The following CTIF variants were observed in gnomAD, a reference collection of about 807,000 sequenced individuals.
CTIF encodes cap binding complex dependent translation initiation factor, also known as CBP80/20-dependent translation initiation factor.
CTIF carries 21 observed loss-of-function variants against 66.0 expected under a neutral mutation model. The ratio of observed to expected loss-of-function variants is 0.32; its 90% CI spans 0.23 to 0.46. CTIF has a LOEUF of 0.46. Ranked by LOEUF, CTIF falls within the 20% of genes least tolerant of loss-of-function variation. The probability of loss-of-function intolerance (pLI) is 1.00; values close to 1 mark genes in which losing one functional copy is unlikely to be tolerated. For missense variants in CTIF, 739 were observed against 812.7 expected, an observed-to-expected ratio of 0.91 and a Z score of 1.10; for synonymous variants, 345 against 326.4, an observed-to-expected ratio of 1.06 and a Z score of -0.62.
intron 9 of CTIF, among the ~76,000 whole-genome samples, chr18:48,814,070 TTTAG>T (rs1158567251): frequency 6.6e-6 from 1 of 152,232 alleles, no homozygotes; most frequent in African/African-American, 2.4e-5. Flanking sequence ...GTGACAGCAC[TTTAG>T]TTAATGATGT....
intron 9 of CTIF, among the ~76,000 whole-genome samples, chr18:48,781,408 C>T (rs2146054747): frequency 6.6e-6 from 1 of 152,298 alleles, no homozygotes; most frequent in African/African-American, 2.4e-5. Context: ...GCCCCAGGGG[C>T]CAGTGGCTGT....
At chr18:48,757,450 A>G (rs1908495721) in intron 7 of CTIF, among the ~76,000 whole-genome samples, 1 of 152,150 alleles carries the variant, frequency 6.6e-6, no homozygotes. Flanking sequence ...TATGGTGAAC[A>G]GTCATTCATA....
At chr18:48,671,293 G>C (rs1182073840) in intron 6 of CTIF, among the ~76,000 whole-genome samples, 1 of 152,076 alleles carries the variant, frequency 6.6e-6, no homozygotes. Flanking sequence ...GATACTTATA[G>C]TGCTGGACTT....
At chr18:48,743,295 G>A (rs1169617855) in intron 7 of CTIF, among the ~76,000 whole-genome samples, 1 of 152,164 alleles carries the variant, frequency 6.6e-6, no homozygotes, top group South Asian at 2.1e-4. Context: ...CCTCACTCAC[G>A]TCGTGCAATT....
intron 9 of CTIF, among the ~76,000 whole-genome samples, chr18:48,773,670 C>A (rs1599018783): frequency 6.6e-6 from 1 of 152,344 alleles, no homozygotes; most frequent in East Asian, 1.9e-4. Context: ...CAGAGAGGGC[C>A]CCTAACATTG....
intron 10 of CTIF, among the ~76,000 whole-genome samples, chr18:48,853,493 C>T (rs2069255380): frequency 1.3e-5 from 2 of 152,154 alleles, no homozygotes; most frequent in South Asian, 4.1e-4. Flanking sequence ...CCATACTGTT[C>T]CCTCCCCTGG....
At chr18:48,603,842 C>G (rs1243408299) in intron 1 of CTIF, among the ~76,000 whole-genome samples, 2 of 146,058 alleles carry the variant, frequency 1.4e-5, no homozygotes, top group African/African-American at 5.3e-5. Context: ...AGCCTAGACT[C>G]AGTGAAATTT....
intron 6 of CTIF, among the ~76,000 whole-genome samples, chr18:48,708,940 A>T (rs1300820901): frequency 6.6e-6 from 1 of 152,178 alleles, no homozygotes; most frequent in African/African-American, 2.4e-5. Context: ...TGGCACACTC[A>T]GCCCTGAGCA....
chr18:48,558,271 G>A (rs2089068397), intron 1 of CTIF, among the ~76,000 whole-genome samples: 1 of 152,236 alleles, frequency 6.6e-6, no homozygotes, highest in Non-Finnish European at 1.5e-5. Flanking sequence ...CATAGAATTT[G>A]TGATGTTCAC....
At position 48,539,151 on chromosome 18, in the gene CTIF, G is replaced by T. The variant is rs1256506008; in HGVS notation, c.-190G>T. 1 of 110,706 alleles carries T rather than the reference G, an allele frequency of 9.0e-6. No homozygotes were observed. The highest frequency in any genetic ancestry group is 1.7e-5 in the Non-Finnish European group (1 of 59,764). The allele number at this position is 110,706 out of a possible 1,614,324, so 6.9% of individuals were successfully genotyped here. The stretch of plus-strand genomic sequence containing the variant: ...CCTTCCCTCCCTCCCTCCCCTCTCT[G>T]CTGGGTCTGTGCGCTGGGGCGCCCG... On this transcript the variant is annotated 5_prime_UTR_variant, in exon 1 of 12. Transcript: ENST00000256413.
At chr18:48,624,453 T>C (rs1159030086) in intron 2 of CTIF, among the ~76,000 whole-genome samples, 2 of 152,130 alleles carry the variant, frequency 1.3e-5, no homozygotes, top group Non-Finnish European at 2.9e-5. Context: ...TTCTTTCCTA[T>C]AGAAAGAAAA....
At chr18:48,768,136 G>T (rs2145937211) in intron 9 of CTIF, among the ~76,000 whole-genome samples, 1 of 152,228 alleles carries the variant, frequency 6.6e-6, no homozygotes, top group South Asian at 2.1e-4. Context: ...TCGTTCTCTT[G>T]TGATTCTCTC....
chr18:48,579,585 C>G (rs1216022488), intron 1 of CTIF, among the ~76,000 whole-genome samples: 1 of 152,174 alleles, frequency 6.6e-6, no homozygotes, highest in African/African-American at 2.4e-5. Context: ...TTTTCTTCCC[C>G]CCAAGCCCAC....
chr18:48,818,597 A>C (rs1360064439), intron 10 of CTIF, among the ~76,000 whole-genome samples: 1 of 152,002 alleles, frequency 6.6e-6, no homozygotes, highest in African/African-American at 2.4e-5. Flanking sequence ...ATCGATATGC[A>C]CCTGGTGCTC....
At chr18:48,660,916 C>T (rs974873127) in intron 3 of CTIF, among the ~76,000 whole-genome samples, 7 of 152,242 alleles carry the variant, frequency 4.6e-5, no homozygotes, top group African/African-American at 1.4e-4. Context: ...TCTATCTCTC[C>T]ATCCATGTTT....
intron 10 of CTIF, among the ~76,000 whole-genome samples, chr18:48,848,545 G>A (rs1023145094): frequency 1.3e-5 from 2 of 152,224 alleles, no homozygotes; most frequent in African/African-American, 4.8e-5. Flanking sequence ...GCCCGGCTTG[G>A]ATGGACACTG....
intron 6 of CTIF, chr18:48,692,778 A>G (rs537063408): frequency 2.6e-5 from 4 of 152,338 alleles, no homozygotes; most frequent in Admixed American, 1.3e-4. Flanking sequence ...GGGTGGGTTG[A>G]AAGAGACTGG....
At chr18:48,857,502 C>A in intron 10 of CTIF, 86 bp from the exon 11 acceptor site, 3 of 1,223,348 alleles carry the variant, frequency 2.5e-6, no homozygotes, top group South Asian at 1.5e-5. Flanking sequence ...GCTGGGGCTG[C>A]AGGTCGGCGG....
chr18:48,621,678 C>A, intron 2 of CTIF: 1 of 287,918 alleles, frequency 3.5e-6, no homozygotes, highest in Admixed American at 5.2e-5. Context: ...GAGCAGGGGG[C>A]CGTGACGGGG....
Sources: gnomAD v4.1 joint callset for allele counts (sites outside exome capture counted in the v4.1 genomes callset) on GRCh38, gnomAD v4.1.1 for gene constraint, MANE v1.5 for transcripts, NCBI Gene and HGNC (gene_info 2026-07-23, HGNC 2026-07-21) for gene names.